The following LMOD1 variants were observed in gnomAD, a reference collection of about 807,000 sequenced individuals.
LMOD1 encodes leiomodin 1.
Under a neutral mutation model 36.5 loss-of-function variants are expected in LMOD1, and 8 were observed. The ratio of observed to expected loss-of-function variants is 0.22; its 90% CI spans 0.13 to 0.40. The LOEUF (loss-of-function observed/expected upper bound fraction) is 0.40, where lower values mean the gene tolerates loss of function less well. Ranked by LOEUF, LMOD1 falls within the 10% of genes least tolerant of loss-of-function variation. The pLI, the probability that LMOD1 is intolerant of heterozygous loss-of-function variation, is 1.00. For missense variants in LMOD1, 630 were observed against 751.1 expected (o/e 0.84, Z 1.88); for synonymous variants, 284 against 288.7 (o/e 0.98, Z 0.17).
rs575364870 is a variant in LMOD1 at position 201,935,073 on chromosome 1, G to T, written c.261+11007C>A. Reference sequence around the variant, plus strand: ...CATCCCCTCTTCCCACTGAGCCCCAGACTTTGAGTAGGGGAGAGATGTGAT... The same window carrying T: ...CATCCCCTCTTCCCACTGAGCCCCATACTTTGAGTAGGGGAGAGATGTGAT... On this transcript the variant is annotated intron_variant, in intron 1 of 2. Transcript: ENST00000367288. Among the ~76,000 whole-genome samples, 84 of 152,224 alleles carry T rather than the reference G, an allele frequency of 5.5e-4. 1 individual carries two copies. Among genetic ancestry groups the T allele is most frequent in the African/African-American group, 1.6e-3 (68 of 41,538 alleles).
chr1:201,899,855 G>T lies in LMOD1; in HGVS notation c.1158C>A (p.Asn386Lys). 6.2e-7 allele frequency: 1 copy of T among 1,614,036 alleles called. No individual in the cohort carries two copies. Among genetic ancestry groups the T allele is most frequent in the South Asian group, 1.1e-5 (1 of 91,086 alleles). Residue 386 changes from asparagine (N) to lysine (K), a missense_variant, in exon 2 of 3, where the codon AAC (asparagine) becomes AAA (lysine). By Grantham distance (94) the Asn-to-Lys change is moderately conservative. This residue lies in a region of LMOD1 where 81 missense variants were observed against 180.6 expected (regional missense o/e 0.45). Transcript: ENST00000367288. This position sits in a 1 kb window ranked among gnomAD's most constrained non-coding sequence, Gnocchi z 6.3. ...AFAIAIMLKANKTITSLNLDS... is the reference protein window; with the variant it reads ...AFAIAIMLKAKKTITSLNLDS... ...CCAGGTTGAGGCTGGTGATGGTCTT[G>T]TTGGCCTTGAGCATGATGGCAATGG...
chr1:201,900,839 A>G (rs878934163), intron 1 of LMOD1, 88 bp from the exon 2 acceptor site: 6 of 1,172,964 alleles, frequency 5.1e-6, no homozygotes, highest in South Asian at 1.6e-5. Flanking sequence ...GAGCGCTTAC[A>G]TAACTGCCCT....
chr1:201,901,586 A>G (rs1374618103), intron 1 of LMOD1, among the ~76,000 whole-genome samples: 3 of 25,704 alleles, frequency 1.2e-4, no homozygotes, highest in Admixed American at 6.5e-4. Flanking sequence ...ATATATATAC[A>G]TATATATATG....
At chr1:201,916,937 G>T (rs569348422) in intron 1 of LMOD1, among the ~76,000 whole-genome samples, 1 of 152,302 alleles carries the variant, frequency 6.6e-6, no homozygotes, top group Admixed American at 6.5e-5. Flanking sequence ...CGCAATGGCA[G>T]CCAAGAAAAG....
intron 1 of LMOD1, among the ~76,000 whole-genome samples, chr1:201,926,269 T>C (rs542399488): frequency 6.6e-6 from 1 of 152,296 alleles, no homozygotes; most frequent in East Asian, 1.9e-4. Context: ...AGTCTCTGCG[T>C]TTCCAGTGCC....
chr1:201,902,802 C>T (rs1306609525), intron 1 of LMOD1, among the ~76,000 whole-genome samples: 1 of 152,154 alleles, frequency 6.6e-6, no homozygotes, highest in Non-Finnish European at 1.5e-5. Context: ...ATCCCTGTTT[C>T]TTCCTCCGTA....
At chr1:201,928,189 T>C (rs1681861403) in intron 1 of LMOD1, among the ~76,000 whole-genome samples, 1 of 152,250 alleles carries the variant, frequency 6.6e-6, no homozygotes, top group Admixed American at 6.5e-5. Context: ...CTTCTCTTCA[T>C]TATAAATCAC....
At chr1:201,929,698 C>A (rs1441310464) in intron 1 of LMOD1, among the ~76,000 whole-genome samples, 1 of 152,112 alleles carries the variant, frequency 6.6e-6, no homozygotes, top group Non-Finnish European at 1.5e-5. Context: ...GATAGAACTG[C>A]CTTTGTAAAT....
intron 1 of LMOD1, among the ~76,000 whole-genome samples, chr1:201,904,831 A>G (rs970612185): frequency 1.3e-5 from 2 of 152,236 alleles, no homozygotes; most frequent in Admixed American, 6.5e-5. Context: ...GAAGGAGCCC[A>G]GAGTCCTCCC....
chr1:201,923,976 A>C (rs1358827754), intron 1 of LMOD1, among the ~76,000 whole-genome samples: 1 of 151,460 alleles, frequency 6.6e-6, no homozygotes, highest in Non-Finnish European at 1.5e-5. Flanking sequence ...AAAAGGAAAG[A>C]AAAGAAAGAA....
At chr1:201,914,433 T>C (rs1249180625) in intron 1 of LMOD1, among the ~76,000 whole-genome samples, 1 of 152,076 alleles carries the variant, frequency 6.6e-6, no homozygotes, top group Non-Finnish European at 1.5e-5. Context: ...TACGGGGCGG[T>C]ATTAAGGCTT....
At chr1:201,935,681 C>T (rs1018698390) in intron 1 of LMOD1, among the ~76,000 whole-genome samples, 6 of 151,812 alleles carry the variant, frequency 4.0e-5, no homozygotes, top group Non-Finnish European at 7.4e-5. Context: ...CTCAGCCTCC[C>T]GAGTACCTGG....
In LMOD1 at chr1:201,935,304, G is replaced by C. The variant is rs377565821; in HGVS notation, c.261+10776C>G. On this transcript the variant is annotated intron_variant, in intron 1 of 2. Transcript: ENST00000367288. ...GTGATCCGTACTGCCTAAGCTATTT[G>C]GTGAATTTGATGTCCTTTTTTTTTT... Among the ~76,000 whole-genome samples, 340 of 151,058 alleles carry C rather than the reference G, an allele frequency of 2.3e-3. 1 individual carries two copies. The highest frequency in any genetic ancestry group is 8.0e-3 in the African/African-American group (329 of 41,228).
intron 1 of LMOD1, among the ~76,000 whole-genome samples, chr1:201,924,419 GGAAGGGAAGGAAGGAAGGAAGCAAGGAA>G (rs1681766066): frequency 2.6e-5 from 1 of 37,752 alleles, no homozygotes; most frequent in Non-Finnish European, 5.2e-5. Context: ...GAAGGAGGGA[GGAAGGGAAGGAAGGAAGGAAGCAAGGAA>G]GGAGGGAGGG....
intron 1 of LMOD1, among the ~76,000 whole-genome samples, chr1:201,901,220 G>T (rs557087092): frequency 6.6e-6 from 1 of 152,032 alleles, no homozygotes; most frequent in East Asian, 1.9e-4. Context: ...AAATATACAT[G>T]AAGTCCGGGC....
chr1:201,924,054 C>T lies in LMOD1; in HGVS notation c.261+22026G>A, dbSNP rs938939265. Among the ~76,000 whole-genome samples, 9 of 151,492 alleles carry T rather than the reference C, an allele frequency of 5.9e-5. No individual in the cohort carries two copies. The East Asian group carries it at 1.2e-3, about 20-fold the overall frequency. On this transcript the variant is annotated intron_variant, in intron 1 of 2. Transcript: ENST00000367288. Reference sequence around the variant, plus strand: ...GAGAGAGGCTGGGCACAGTGGCTCACGCCTGTAATCCCAGCACTTTGGGAG... The same window carrying T: ...GAGAGAGGCTGGGCACAGTGGCTCATGCCTGTAATCCCAGCACTTTGGGAG...
chr1:201,941,491 C>T (rs1682114290), intron 1 of LMOD1, among the ~76,000 whole-genome samples: 1 of 152,202 alleles, frequency 6.6e-6, no homozygotes, highest in African/African-American at 2.4e-5. Context: ...CCCTCTTCAC[C>T]CTAGCCTCCA....
At chr1:201,910,744 CT>C (rs58506647) in intron 1 of LMOD1, among the ~76,000 whole-genome samples, 61 of 49,060 alleles carry the variant, frequency 1.2e-3, no homozygotes, top group African/African-American at 4.4e-3. Flanking sequence ...TGGTGTCATT[CT>C]TTTTTTTTTT....
chr1:201,929,284 G>A (rs1033379379), intron 1 of LMOD1, among the ~76,000 whole-genome samples: 3 of 151,638 alleles, frequency 2.0e-5, no homozygotes, highest in Non-Finnish European at 4.4e-5. Flanking sequence ...TGTATTTTTA[G>A]TAGATCAGGC....
Sources: gnomAD v4.1 joint callset for allele counts (sites outside exome capture counted in the v4.1 genomes callset) on GRCh38, gnomAD v4.1.1 for gene constraint, gnomAD v4.1.1 regional missense constraint, Gnocchi (gnomAD v3.1) non-coding constraint, MANE v1.5 for transcripts, NCBI Gene and HGNC (gene_info 2026-07-23, HGNC 2026-07-21) for gene names.